The following GABRA2 variants were observed in gnomAD, a reference collection of about 807,000 sequenced individuals.
GABRA2 encodes gamma-aminobutyric acid receptor subunit alpha-2.
In GABRA2, 16 loss-of-function variants were observed where a neutral mutation model predicts 48.7. That is an observed-to-expected ratio of 0.33 (90% CI 0.22 to 0.50). The LOEUF is 0.50. GABRA2 is among the 20% of genes least tolerant of loss of function. The pLI is 0.98. For missense variants in GABRA2, 275 were observed against 535.6 expected (o/e 0.51, Z 4.80); for synonymous variants, 185 against 184.5 (o/e 1.00, Z -0.02).
intron 3 of GABRA2, among the ~76,000 whole-genome samples, chr4:46,385,723 A>T (rs1369945461): frequency 1.3e-5 from 2 of 152,098 alleles, no homozygotes; most frequent in Admixed American, 6.5e-5. Flanking sequence ...ATGATCAAAG[A>T]AAGTAAATAT....
chr4:46,386,089 TAAGCCGATTATC>T lies in GABRA2; in HGVS notation c.160_171del (p.Asp54_Leu57del). 6.2e-7 allele frequency: 1 copy of T among 1,608,512 alleles called. No individual in the cohort carries two copies. Among genetic ancestry groups the T allele is most frequent in the Non-Finnish European group, 8.5e-7 (1 of 1,175,704 alleles). Reference sequence around the variant, plus strand: ...CTATTTTTACCTCCCAGTCCTGGTCTAAGCCGATTATCGTAACCATCCAGAAGTCTGTCAAGA... The same window carrying T: ...CTATTTTTACCTCCCAGTCCTGGTCTGTAACCATCCAGAAGTCTGTCAAGA... On this transcript the variant is annotated inframe_deletion, in exon 3 of 10. Coordinates refer to ENST00000381620, the MANE Select transcript of GABRA2 (RefSeq NM_000807.4).
chr4:46,279,544 TAA>T (rs1475309695), intron 8 of GABRA2, among the ~76,000 whole-genome samples: 1 of 152,114 alleles, frequency 6.6e-6, no homozygotes, highest in Non-Finnish European at 1.5e-5. Flanking sequence ...TTCTTCCATA[TAA>T]AGAGTTATAT....
Position 46,389,883 on chromosome 4 carries a change from A to G in GABRA2, c.-159T>C, listed in dbSNP as rs1366073599. ...AGAGACCGAGACTGCAGCAGCCAAG[A>G]GAGCGTGGAGCGATGGGCTGGTGGA... On this transcript the variant is annotated 5_prime_UTR_variant, in exon 1 of 10. Transcript: ENST00000381620. The G allele has an allele frequency of 2.1e-6, 2 of 971,268 alleles. No individual in the cohort carries two copies. The highest frequency in any genetic ancestry group is 3.9e-5 in the African/African-American group (2 of 51,948). 60.2% of individuals were successfully genotyped at this position (971,268 alleles called of 1,614,324 possible).
At chr4:46,366,731 A>G (rs1714100732) in intron 3 of GABRA2, 1 of 152,124 alleles carries the variant, frequency 6.6e-6, no homozygotes, top group Non-Finnish European at 1.5e-5. Flanking sequence ...ATAATTTAGT[A>G]TGATTCCATT....
At position 46,250,126 on chromosome 4, in the gene GABRA2, T is replaced by C. The variant is rs1246876870; in HGVS notation, c.*182A>G. 2 of 538,998 alleles carry C rather than the reference T, an allele frequency of 3.7e-6. No homozygotes were observed. The highest frequency in any genetic ancestry group is 3.8e-5 in the African/African-American group (2 of 52,290). The allele number at this position is 538,998 out of a possible 1,614,324, so 33.4% of individuals were successfully genotyped here. On this transcript the variant is annotated 3_prime_UTR_variant, in exon 10 of 10. Transcript: ENST00000381620. ...GGCTGTTTTCGCATGGAGTGCTTTC[T>C]GTCTGCAGTTCCATGAGTTAGCAAA...
intron 3 of GABRA2, among the ~76,000 whole-genome samples, chr4:46,356,677 C>G (rs187375339): frequency 6.6e-6 from 1 of 152,220 alleles, no homozygotes. Context: ...TTAGTATATT[C>G]TATTTTCTGA....
At chr4:46,256,169 T>C (rs1391994637) in intron 9 of GABRA2, 1 of 618,010 alleles carries the variant, frequency 1.6e-6, no homozygotes, top group Non-Finnish European at 2.9e-6. Context: ...CTACTAATCA[T>C]CCTGACTGAG....
chr4:46,248,085 T>C lies in GABRA2; in HGVS notation c.*2223A>G, dbSNP rs2109364036. On this transcript the variant is annotated 3_prime_UTR_variant, in exon 10 of 10. Coordinates refer to ENST00000381620, the MANE Select transcript of GABRA2 (RefSeq NM_000807.4). ...TAGTAGCAGCTCTTTGCCCAAAGTA[T>C]AGATAAGCCTTTTCTGTTGTCATAC... Among the ~76,000 whole-genome samples the C allele has an allele frequency of 6.6e-6, 1 of 151,478 alleles. No individual in the cohort carries two copies. The highest frequency in any genetic ancestry group is 2.0e-4 in the East Asian group (1 of 5,116).
At chr4:46,351,145 T>C (rs1261880443) in intron 3 of GABRA2, among the ~76,000 whole-genome samples, 1 of 151,628 alleles carries the variant, frequency 6.6e-6, no homozygotes, top group Non-Finnish European at 1.5e-5. Context: ...GGGGGGCTAT[T>C]AACCATAGTG....
chr4:46,281,249 G>A (rs1721478055), intron 8 of GABRA2, among the ~76,000 whole-genome samples: 4 of 152,246 alleles, frequency 2.6e-5, no homozygotes, highest in South Asian at 4.2e-4. Flanking sequence ...ACAATTGGAT[G>A]TATGTATCTG....
rs190939288 is a variant in GABRA2 at position 46,330,964 on chromosome 4, C to G, written c.255+1651G>C. On this transcript the variant is annotated intron_variant, in intron 4 of 9. Transcript: ENST00000381620. ...AGTATTTACTAGGACAAAATTATAT[C>G]TATAGCCAAACAATAACATTTGGAA... 1.6e-3 allele frequency among the ~76,000 whole-genome samples: 245 copies of G among 152,142 alleles called. 1 individual carries two copies. Among genetic ancestry groups the G allele is most frequent in the Middle Eastern group, 3.4e-3 (1 of 294 alleles).
At chr4:46,357,817 C>T (rs535438722) in intron 3 of GABRA2, among the ~76,000 whole-genome samples, 18 of 151,722 alleles carry the variant, frequency 1.2e-4, no homozygotes, top group African/African-American at 3.1e-4. Flanking sequence ...CATTCCACCA[C>T]GCCCACCTAA....
chr4:46,267,104 G>T (rs1169334334), intron 8 of GABRA2, among the ~76,000 whole-genome samples: 1 of 151,964 alleles, frequency 6.6e-6, no homozygotes, highest in Non-Finnish European at 1.5e-5. Flanking sequence ...GCTTGATGAT[G>T]TACAACAGGT....
chr4:46,271,722 G>A lies in GABRA2; in HGVS notation c.857-9594C>T, dbSNP rs79951997. On this transcript the variant is annotated intron_variant, in intron 8 of 9. Transcript: ENST00000381620. ...TAATAATGTGGACAACACTGTTGAA[G>A]GAATCAAAATTGTTCTATTTACCTA... is the stretch of plus-strand genomic sequence containing the variant. Among the ~76,000 whole-genome samples the A allele has an allele frequency of 2.1e-4, 32 of 151,974 alleles. No individual in the cohort carries two copies. In the East Asian group the frequency reaches 6.0e-3, roughly 29 times the overall value.
rs1713833607 is a variant in GABRA2 at position 46,247,023 on chromosome 4, A to C, written c.*3285T>G. The stretch of plus-strand genomic sequence containing the variant: ...AAATGCAAATTATACTTACCAAATA[A>C]TGAGAGTAAAATAATAGATTCTGGG... On this transcript the variant is annotated 3_prime_UTR_variant, in exon 10 of 10. Coordinates refer to ENST00000381620, the MANE Select transcript of GABRA2 (RefSeq NM_000807.4). 1.3e-5 allele frequency among the ~76,000 whole-genome samples: 2 copies of C among 151,304 alleles called. No homozygotes were observed. Among genetic ancestry groups the C allele is most frequent in the African/African-American group, 4.8e-5 (2 of 41,456 alleles).
chr4:46,308,761 T>C (rs1055259117), intron 6 of GABRA2, among the ~76,000 whole-genome samples: 1 of 152,228 alleles, frequency 6.6e-6, no homozygotes, highest in Non-Finnish European at 1.5e-5. Flanking sequence ...GTATAAGAGA[T>C]TTTTAAATTT....
At chr4:46,326,338 T>C in intron 4 of GABRA2, among the ~76,000 whole-genome samples, 1 of 151,882 alleles carries the variant, frequency 6.6e-6, no homozygotes, top group East Asian at 1.9e-4. Context: ...GGTGATGTTT[T>C]ACTATGCGCA....
At chr4:46,303,364 C>T (rs1726085532) in intron 8 of GABRA2, 96 bp downstream of exon 8, 22 of 1,261,634 alleles carry the variant, frequency 1.7e-5, no homozygotes, top group Admixed American at 1.4e-4. Context: ...GCCCCACCTA[C>T]TACAAATAAT....
intron 4 of GABRA2, among the ~76,000 whole-genome samples, chr4:46,325,910 C>T (rs1730287276): frequency 6.6e-6 from 1 of 151,904 alleles, no homozygotes; most frequent in African/African-American, 2.4e-5. Context: ...TTTCTGGGTT[C>T]TCTAGCCTGT....
Sources: allele counts gnomAD v4.1 joint callset (sites outside exome capture counted in the v4.1 genomes callset), GRCh38; gene constraint gnomAD v4.1.1; transcripts MANE v1.5; gene names NCBI Gene and HGNC (gene_info 2026-07-23, HGNC 2026-07-21).